ATG16L1: variants seen among roughly 807,000 people sequenced by gnomAD.
The protein encoded by ATG16L1 is autophagy related 16 like 1.
Under a neutral mutation model 88.5 loss-of-function variants are expected in ATG16L1, and 37 were observed. The ratio of observed to expected loss-of-function variants is 0.42; its 90% confidence interval spans 0.32 to 0.55. The LOEUF (loss-of-function observed/expected upper bound fraction) is 0.55. Ranked by LOEUF, ATG16L1 falls within the 20% of genes least tolerant of loss-of-function variation. The pLI, the probability that ATG16L1 is intolerant of heterozygous loss-of-function variation, is 0.13. For synonymous variants in ATG16L1, 301 were observed against 281.0 expected (o/e 1.07, Z -0.71); for missense variants, 554 against 752.8 (o/e 0.74, Z 3.09).
Position 233,292,128 on chromosome 2 carries a change from A to C in ATG16L1, c.1431A>C (p.Arg477=). ...TTCTCAGATCTGTTCTCCCTCTTAG[A>C]TCAGAGAGCATAGTTCGAGAGATGG... ...FDKKIRFWDI[R]SESIVREMEL... The change falls in exon 15 of 18, where the codon CGA becomes CGC. Residue 477 remains arginine, a splice_region_variant and synonymous_variant. Coordinates refer to ENST00000392017, the MANE Select transcript of ATG16L1 (RefSeq NM_030803.7). 1 of 1,614,144 alleles carries C rather than the reference A, an allele frequency of 6.2e-7. No individual in the cohort carries two copies. Among genetic ancestry groups the C allele is most frequent in the Non-Finnish European group, 8.5e-7 (1 of 1,180,026 alleles).
At chr2:233,280,165 A>C (rs1055207637) in intron 10 of ATG16L1, among the ~76,000 whole-genome samples, 1 of 152,204 alleles carries the variant, frequency 6.6e-6, no homozygotes, top group African/African-American at 2.4e-5. Flanking sequence ...TGTCACCTTG[A>C]TATCTGGCTC....
intron 9 of ATG16L1, chr2:233,276,007 A>G (rs772169703): frequency 3.9e-6 from 2 of 511,816 alleles, no homozygotes; most frequent in Non-Finnish European, 7.8e-6. Context: ...GAGACCTCCT[A>G]AGGAGAAAGA....
In ATG16L1 at chr2:233,265,279, G is replaced by A. The variant is rs148556025; in HGVS notation, c.641+136G>A. The A allele has an allele frequency of 1.2e-3, 1,360 of 1,117,186 alleles. 12 individuals carry two copies. In the African/African-American group the frequency reaches 0.019, roughly 16 times the overall value. 69.2% of individuals were successfully genotyped at this position (1,117,186 alleles called of 1,614,324 possible). A position where few individuals can be genotyped will look rare whatever the true frequency, so the allele number is the denominator to read the frequency against. ...TTCTTTCAGTGTTTCAAGGAGAAAA[G>A]CTAATTCTGAACAATATAAATTAAA... On this transcript the variant is annotated intron_variant, in intron 5 of 17. Coordinates refer to ENST00000392017, the MANE Select transcript of ATG16L1 (RefSeq NM_030803.7).
chr2:233,273,775 T>C lies in ATG16L1; in HGVS notation c.849T>C (p.Phe283=), dbSNP rs1223175234. The C allele has an allele frequency of 1.2e-6, 2 of 1,614,100 alleles. No individual in the cohort carries two copies. The highest frequency in any genetic ancestry group is 2.2e-5 in the South Asian group (2 of 91,076). ...GGLLDSITNI[F]GRRSVSSFPV... is the part of the protein sequence containing the mutation. Reference sequence around the variant, plus strand: ...TTCTGGATTCTATCACTAATATCTTTGGGTAGGTTAGAAGACCTTTCCTTT... The same window carrying C: ...TTCTGGATTCTATCACTAATATCTTCGGGTAGGTTAGAAGACCTTTCCTTT... The change falls in exon 8 of 18, where the codon TTT becomes TTC. Residue 283 remains phenylalanine (F), a splice_region_variant and synonymous_variant. Coordinates refer to ENST00000392017, the MANE Select transcript of ATG16L1 (RefSeq NM_030803.7).
At chr2:233,286,621 CTTTTT>C (rs10676895) in intron 12 of ATG16L1, among the ~76,000 whole-genome samples, 1 of 93,290 alleles carries the variant, frequency 1.1e-5, no homozygotes, top group Non-Finnish European at 2.0e-5. Flanking sequence ...GAAGCCCAAA[CTTTTT>C]TTTTTTTTTT....
chr2:233,270,438 T>TG (rs1230273616), intron 6 of ATG16L1, among the ~76,000 whole-genome samples: 1 of 152,178 alleles, frequency 6.6e-6, no homozygotes, highest in Non-Finnish European at 1.5e-5. Context: ...AAAATAAAAT[T>TG]TGATGGGTCA....
chr2:233,292,359 A>G, intron 15 of ATG16L1, 28 bp from the exon 16 acceptor site: 1 of 1,614,140 alleles, frequency 6.2e-7, no homozygotes, highest in Non-Finnish European at 8.5e-7. Flanking sequence ...GAGCTCCCTC[A>G]GTGACAGTGC....
intron 3 of ATG16L1, 33 bp downstream of exon 3, chr2:233,263,268 G>A (rs1310947883): frequency 6.3e-7 from 1 of 1,588,860 alleles, no homozygotes; most frequent in Middle Eastern, 1.7e-4. Context: ...TCTGTCTTCT[G>A]CCCTCTATGA....
chr2:233,273,594 C>T (rs2289472), intron 7 of ATG16L1, 127 bp from the exon 8 acceptor site: 413,494 of 859,324 alleles, frequency 0.48, 103,686 homozygotes, highest in Non-Finnish European at 0.52. Context: ...TTGGGTTTCT[C>T]TTGGCTGGGG....
chr2:233,252,241 C>T (rs1312565181), intron 1 of ATG16L1, among the ~76,000 whole-genome samples: 7 of 152,258 alleles, frequency 4.6e-5, no homozygotes, highest in Non-Finnish European at 1.0e-4. Flanking sequence ...GTCCCAGAAA[C>T]ATCCCATCTA....
At chr2:233,265,728 A>C (rs1243289629) in intron 5 of ATG16L1, among the ~76,000 whole-genome samples, 1 of 152,132 alleles carries the variant, frequency 6.6e-6, no homozygotes, top group Non-Finnish European at 1.5e-5. Context: ...TCGGCCTCCC[A>C]AAGTGCTGGG....
At chr2:233,288,904 A>G (rs1241212452) in intron 12 of ATG16L1, 2 of 519,106 alleles carry the variant, frequency 3.9e-6, no homozygotes, top group African/African-American at 3.8e-5. Context: ...GAGTGCTGGT[A>G]TCTGTGGCTA....
At chr2:233,283,496 G>T (rs1422963315) in intron 12 of ATG16L1, among the ~76,000 whole-genome samples, 1 of 151,172 alleles carries the variant, frequency 6.6e-6, no homozygotes, top group African/African-American at 2.4e-5. Context: ...GTTAACACAA[G>T]CCGTTTGTGT....
intron 8 of ATG16L1, chr2:233,274,102 A>G (rs1698181082): frequency 3.4e-6 from 5 of 1,463,064 alleles, no homozygotes; most frequent in Non-Finnish European, 3.7e-6. Flanking sequence ...AATTATGCCA[A>G]TCACCGCTTC....
At position 233,292,231 on chromosome 2, in the gene ATG16L1, C is replaced by A; in HGVS notation, c.1534C>A (p.Leu512Ile). The A allele has an allele frequency of 6.2e-7, 1 of 1,614,242 alleles. No homozygotes were observed. The highest frequency in any genetic ancestry group is 8.5e-7 in the Non-Finnish European group (1 of 1,180,030). Residue 512 changes from leucine (L) to isoleucine (I), a missense_variant, in exon 15 of 18, where the codon CTA (leucine) becomes ATA (isoleucine). Around this residue, in one of 5 missense-constraint regions of ATG16L1, gnomAD observed 370 missense variants for 509.7 expected, o/e 0.73. Coordinates refer to ENST00000392017, the MANE Select transcript of ATG16L1 (RefSeq NM_030803.7). ...ELLSCSRDDL[L>I]KVIDLRTNAI... ...CCTGAGCTGCTCCCGTGATGACTTG[C>A]TAAAAGTTATTGATCTCCGAACAAA...
intron 12 of ATG16L1, among the ~76,000 whole-genome samples, chr2:233,289,135 A>G (rs1699279176): frequency 6.6e-6 from 1 of 152,220 alleles, no homozygotes. Context: ...AATTACAAAA[A>G]CAGTACAGCA....
At chr2:233,253,679 A>T (rs1696571681) in intron 1 of ATG16L1, among the ~76,000 whole-genome samples, 1 of 152,108 alleles carries the variant, frequency 6.6e-6, no homozygotes, top group Admixed American at 6.6e-5. Context: ...TTGATGACTA[A>T]CTTTTGCATT....
intron 10 of ATG16L1, among the ~76,000 whole-genome samples, chr2:233,279,860 C>G (rs1306752200): frequency 6.6e-6 from 1 of 151,906 alleles, no homozygotes; most frequent in African/African-American, 2.4e-5. Flanking sequence ...TTGGTCACTT[C>G]CTACATTTCG....
chr2:233,289,853 G>A lies in ATG16L1; in HGVS notation c.1204-1G>A. The A allele has an allele frequency of 6.2e-7, 1 of 1,614,126 alleles. No individual in the cohort carries two copies. Among genetic ancestry groups the A allele is most frequent in the Non-Finnish European group, 8.5e-7 (1 of 1,179,956 alleles). On this transcript the variant is annotated splice_acceptor_variant, in intron 12 of 17. Transcript: ENST00000392017. LOFTEE classifies it high-confidence loss of function. Reference sequence around the variant, plus strand: ...CACCCTGGCTGTGTTCTCTCTCCTAGCACACACTCACGGGACACAGTGGGA... The same window carrying A: ...CACCCTGGCTGTGTTCTCTCTCCTAACACACACTCACGGGACACAGTGGGA...
Sources: allele counts gnomAD v4.1 joint callset (sites outside exome capture counted in the v4.1 genomes callset), GRCh38; gene constraint gnomAD v4.1.1; regional missense constraint gnomAD v4.1.1; transcripts MANE v1.5; gene names NCBI Gene and HGNC (gene_info 2026-07-23, HGNC 2026-07-21).